PLEKHA6: variants seen among roughly 807,000 people sequenced by gnomAD.
The protein encoded by PLEKHA6 is pleckstrin homology domain containing A6, also known as pleckstrin homology domain-containing family A member 6.
Under a neutral mutation model 116.7 loss-of-function variants are expected in PLEKHA6, and 60 were observed. That is an observed-to-expected ratio of 0.51 (90% CI 0.42 to 0.64). The LOEUF (loss-of-function observed/expected upper bound fraction) is 0.64. Among genes scored for constraint, PLEKHA6 ranks in the 30% least tolerant of loss-of-function variants. PLEKHA6 has a pLI of 0.00. For missense variants in PLEKHA6, 1,338 were observed against 1,422.7 expected, an observed-to-expected ratio of 0.94 and a Z score of 0.96; for synonymous variants, 489 against 556.1, an observed-to-expected ratio of 0.88 and a Z score of 1.70.
intron 1 of PLEKHA6, among the ~76,000 whole-genome samples, chr1:204,353,652 A>T (rs1472266231): frequency 3.3e-5 from 5 of 152,152 alleles, no homozygotes; most frequent in Non-Finnish European, 7.4e-5. Context: ...CCTACTTCCT[A>T]CACCTAACTC....
chr1:204,377,700 C>T (rs1360550649), upstream of PLEKHA6: 3 of 152,214 alleles, frequency 2.0e-5, no homozygotes, highest in East Asian at 3.9e-4. Flanking sequence ...GCTCTCTGCG[C>T]CCCCAGGCGC....
chr1:204,251,469 G>C (rs1048860164), intron 9 of PLEKHA6: 5 of 689,890 alleles, frequency 7.2e-6, no homozygotes, highest in Admixed American at 6.1e-5. Context: ...TGGGCAACTC[G>C]ACCATGCACA....
chr1:204,236,654 A>G (rs1242318352), intron 17 of PLEKHA6, among the ~76,000 whole-genome samples: 3 of 152,172 alleles, frequency 2.0e-5, no homozygotes, highest in Admixed American at 1.3e-4. Flanking sequence ...TGTACAGCAG[A>G]GGCAAAATGG....
intron 3 of PLEKHA6, among the ~76,000 whole-genome samples, chr1:204,269,571 A>C (rs1050991037): frequency 6.7e-6 from 1 of 149,940 alleles, no homozygotes; most frequent in South Asian, 2.1e-4. Context: ...CAGCCCCCCG[A>C]CCTCCCCTGC....
intron 9 of PLEKHA6, among the ~76,000 whole-genome samples, chr1:204,253,538 C>G (rs887636934): frequency 6.6e-6 from 1 of 152,164 alleles, no homozygotes; most frequent in African/African-American, 2.4e-5. Flanking sequence ...AAGAGTACTA[C>G]ACTTGGCCAG....
intron 1 of PLEKHA6, 171 bp from the exon 2 acceptor site, chr1:204,274,980 TG>T: frequency 8.6e-5 from 2 of 23,340 alleles, no homozygotes; most frequent in Non-Finnish European, 1.1e-4. Context: ...TGGATGAGGG[TG>T]GGGGCGGGGT....
upstream of PLEKHA6, chr1:204,378,084 G>C (rs2103427838): frequency 6.6e-6 from 1 of 152,480 alleles, no homozygotes; most frequent in Non-Finnish European, 1.5e-5. Flanking sequence ...CTCCAGCCTG[G>C]CGGAGCCCGG....
At chr1:204,315,299 T>C (rs765989528) in intron 1 of PLEKHA6, among the ~76,000 whole-genome samples, 1 of 152,046 alleles carries the variant, frequency 6.6e-6, no homozygotes, top group Non-Finnish European at 1.5e-5. Flanking sequence ...TACATAAGGG[T>C]CCACCTCCAC....
upstream of PLEKHA6, among the ~76,000 whole-genome samples, chr1:204,362,443 C>G (rs544742685): frequency 6.6e-6 from 1 of 152,166 alleles, no homozygotes; most frequent in African/African-American, 2.4e-5. Context: ...TCCAAACACA[C>G]GGGTCCTCCC....
intron 1 of PLEKHA6, among the ~76,000 whole-genome samples, chr1:204,335,828 C>A (rs1672628287): frequency 6.6e-6 from 1 of 152,104 alleles, no homozygotes; most frequent in South Asian, 2.1e-4. Flanking sequence ...CACATCTGTA[C>A]CTGTCTTTGG....
chr1:204,257,693 G>C lies in PLEKHA6; in HGVS notation c.1184C>G (p.Ala395Gly). ...PPWALEDKRH[A>G]FRNGGGPAYQ... ...GGCAGGGCCACCCCCATTGCGGAAG[G>C]CATGGCGCTTGTCCTCCAGGGCCCA... The change falls in exon 9 of 23, where the codon GCC (alanine) becomes GGC (glycine). Residue 395 changes from alanine to glycine, a missense_variant. Ala to Gly is a moderately conservative substitution (Grantham distance 60). Coordinates refer to ENST00000272203, the MANE Select transcript of PLEKHA6 (RefSeq NM_014935.5). The surrounding 1 kb of genome is among the most constrained non-coding windows in gnomAD (Gnocchi z 6.5). The C allele has an allele frequency of 6.2e-7, 1 of 1,611,810 alleles. No individual in the cohort carries two copies. Among genetic ancestry groups the C allele is most frequent in the Non-Finnish European group, 8.5e-7 (1 of 1,179,106 alleles).
intron 1 of PLEKHA6, among the ~76,000 whole-genome samples, chr1:204,348,237 G>A (rs1389625919): frequency 6.6e-6 from 1 of 152,206 alleles, no homozygotes; most frequent in East Asian, 1.9e-4. Flanking sequence ...CCAGGACATG[G>A]CTAGAGCTGA....
At chr1:204,225,280 T>C (rs1311132129) in intron 21 of PLEKHA6, among the ~76,000 whole-genome samples, 1 of 152,224 alleles carries the variant, frequency 6.6e-6, no homozygotes, top group Non-Finnish European at 1.5e-5. Flanking sequence ...TTTATAATGA[T>C]AATACATGAG....
Position 204,277,545 on chromosome 1 carries a change from C to T in PLEKHA6, c.-94-2736G>A, listed in dbSNP as rs1668148676. The T allele has an allele frequency of 6.6e-6, 1 of 152,188 alleles. No individual in the cohort carries two copies. The highest frequency in any genetic ancestry group is 6.5e-5 in the Admixed American group (1 of 15,276). The allele number at this position is 152,188 out of a possible 1,614,324, so 9.4% of individuals were successfully genotyped here. Reference sequence around the variant, plus strand: ...ACCTGTAGGGAGACAGTCCTCCTGCCTCCCCAATTCTCAACCCACAATACA... The same window carrying T: ...ACCTGTAGGGAGACAGTCCTCCTGCTTCCCCAATTCTCAACCCACAATACA... On this transcript the variant is annotated intron_variant, in intron 1 of 22. Transcript: ENST00000272203. The surrounding 1 kb of genome is among the most constrained non-coding windows in gnomAD (Gnocchi z 4.1).
intron 1 of PLEKHA6, chr1:204,297,772 A>C: frequency 2.3e-6 from 1 of 443,888 alleles, no homozygotes; most frequent in South Asian, 9.5e-5. Flanking sequence ...CGGAACTGAA[A>C]TTCAGTCCCC....
chr1:204,363,424 C>T (rs1392041653), upstream of PLEKHA6, among the ~76,000 whole-genome samples: 1 of 152,174 alleles, frequency 6.6e-6, no homozygotes, highest in Non-Finnish European at 1.5e-5. Flanking sequence ...GGAAGACCAA[C>T]GGCTGGGTGG....
intron 1 of PLEKHA6, among the ~76,000 whole-genome samples, chr1:204,372,341 GA>G (rs1360763566): frequency 6.6e-6 from 1 of 152,076 alleles, no homozygotes; most frequent in African/African-American, 2.4e-5. Flanking sequence ...CTGGGCTCTA[GA>G]TTGGATGGCA....
At chr1:204,292,878 T>C (rs1223338534) in intron 1 of PLEKHA6, among the ~76,000 whole-genome samples, 1 of 133,706 alleles carries the variant, frequency 7.5e-6, no homozygotes, top group Non-Finnish European at 1.6e-5. Context: ...GGCGGAAGTC[T>C]GGAGGTTGTG....
At chr1:204,336,146 C>A (rs1321685163) in intron 1 of PLEKHA6, among the ~76,000 whole-genome samples, 1 of 152,176 alleles carries the variant, frequency 6.6e-6, no homozygotes, top group African/African-American at 2.4e-5. Flanking sequence ...GCATCCTAAA[C>A]CCTCATCACC....
Sources: allele counts gnomAD v4.1 joint callset (sites outside exome capture counted in the v4.1 genomes callset), GRCh38; gene constraint gnomAD v4.1.1; non-coding constraint Gnocchi (gnomAD v3.1); transcripts MANE v1.5; gene names NCBI Gene and HGNC (gene_info 2026-07-23, HGNC 2026-07-21).